Variants in ERBB4 observed in about 807,000 individuals in gnomAD.
ERBB4 encodes erb-b2 receptor tyrosine kinase 4, also known as receptor tyrosine-protein kinase erbB-4.
A neutral mutation model predicts 158.0 loss-of-function variants in ERBB4; 42 were observed. The ratio of observed to expected loss-of-function variants is 0.27; its 90% CI spans 0.21 to 0.34. The LOEUF is 0.34. Among genes scored for constraint, ERBB4 ranks in the 10% least tolerant of loss-of-function variants. The pLI is 1.00. For synonymous variants in ERBB4, 583 were observed against 558.7 expected (o/e 1.04, Z -0.61); for missense variants, 1,333 against 1,624.1 (o/e 0.82, Z 3.08).
intron 20 of ERBB4, among the ~76,000 whole-genome samples, chr2:211,501,385 A>G (rs1431908433): frequency 2.0e-5 from 3 of 151,882 alleles, no homozygotes; most frequent in African/African-American, 7.2e-5. Context: ...TAAATGTTTG[A>G]GATTATGGAT....
At chr2:211,488,543 C>T (rs1212388394) in intron 20 of ERBB4, among the ~76,000 whole-genome samples, 1 of 151,894 alleles carries the variant, frequency 6.6e-6, no homozygotes, top group African/African-American at 2.4e-5. Context: ...CTCTCATATG[C>T]CTTAGAAGGC....
chr2:211,755,973 A>G (rs1002281786), intron 4 of ERBB4, among the ~76,000 whole-genome samples: 8 of 152,334 alleles, frequency 5.3e-5, no homozygotes, highest in African/African-American at 1.7e-4. Context: ...GGCAGGTTTG[A>G]CCTCTTAAAA....
At chr2:212,060,524 G>A (rs1293667267) in intron 2 of ERBB4, among the ~76,000 whole-genome samples, 2 of 148,458 alleles carry the variant, frequency 1.3e-5, no homozygotes, top group South Asian at 2.2e-4. Context: ...TGTTTATTGC[G>A]GCACTATTCA....
intron 18 of ERBB4, among the ~76,000 whole-genome samples, chr2:211,620,152 G>A (rs1009744666): frequency 6.6e-6 from 1 of 152,038 alleles, no homozygotes; most frequent in East Asian, 1.9e-4. Context: ...GGTTGTACAA[G>A]AATACATTTT....
intron 2 of ERBB4, among the ~76,000 whole-genome samples, chr2:211,949,787 C>T (rs1429369502): frequency 2.6e-5 from 4 of 152,120 alleles, no homozygotes; most frequent in Non-Finnish European, 5.9e-5. Context: ...TCAGTTGAGG[C>T]CAACCCTGAT....
intron 3 of ERBB4, among the ~76,000 whole-genome samples, chr2:211,914,219 T>C (rs1262853043): frequency 6.6e-6 from 1 of 151,600 alleles, no homozygotes; most frequent in Non-Finnish European, 1.5e-5. Context: ...TTGAATGTGG[T>C]ACAAGCTTTC....
At position 211,578,924 on chromosome 2, in the gene ERBB4, T is replaced by C. The variant is rs533760875; in HGVS notation, c.2302-16836A>G. The stretch of plus-strand genomic sequence containing the variant: ...GATTTCATGAAATCACCGAAAGCAA[T>C]TGCAACAAAAGCAAAGATTGACAAA... On this transcript the variant is annotated intron_variant, in intron 19 of 27. Transcript: ENST00000342788. Among the ~76,000 whole-genome samples the C allele has an allele frequency of 2.6e-5, 4 of 152,220 alleles. No homozygotes were observed. The South Asian group carries it at 8.3e-4, about 32-fold the overall frequency.
Position 211,382,150 on chromosome 2 carries a change from A to ATGTT in ERBB4, c.*1461_*1464dup, listed in dbSNP as rs1461412859. The ATGTT allele has an allele frequency of 2.2e-5, 5 of 231,196 alleles. No homozygotes were observed. Among genetic ancestry groups the ATGTT allele is most frequent in the South Asian group, 3.6e-4 (2 of 5,508 alleles). 14.3% of individuals were successfully genotyped at this position (231,196 alleles called of 1,614,324 possible). On this transcript the variant is annotated 3_prime_UTR_variant, in exon 28 of 28. Transcript: ENST00000342788. ...CCAAGGACCTATCCCTAAGCTTTGA[A>ATGTT]TGTTTGTGTTTTTCTTTTTATTATA...
At chr2:212,392,152 C>T (rs1464552940) in intron 1 of ERBB4, among the ~76,000 whole-genome samples, 1 of 151,764 alleles carries the variant, frequency 6.6e-6, no homozygotes, top group Non-Finnish European at 1.5e-5. Flanking sequence ...GGAAAGGCAT[C>T]TCTGTTTCTC....
intron 1 of ERBB4, among the ~76,000 whole-genome samples, chr2:212,386,883 C>A (rs529028016): frequency 6.6e-6 from 1 of 152,156 alleles, no homozygotes. Flanking sequence ...TATCTTCTTA[C>A]TGTTCCAATG....
chr2:211,692,490 A>G (rs957891544), intron 12 of ERBB4, among the ~76,000 whole-genome samples: 1 of 152,178 alleles, frequency 6.6e-6, no homozygotes, highest in Non-Finnish European at 1.5e-5. Context: ...CAGAAGTCCA[A>G]AATGACTCTT....
chr2:211,924,463 T>A (rs1403891680), intron 3 of ERBB4, among the ~76,000 whole-genome samples: 1 of 151,906 alleles, frequency 6.6e-6, no homozygotes, highest in African/African-American at 2.4e-5. Context: ...ACCCTATACA[T>A]CTATAAAAAT....
chr2:211,437,067 G>T (rs1010149810), intron 20 of ERBB4, among the ~76,000 whole-genome samples: 2 of 152,128 alleles, frequency 1.3e-5, no homozygotes, highest in Non-Finnish European at 2.9e-5. Context: ...GTTTTTGAAA[G>T]AAGTATTTTA....
chr2:212,280,972 G>A (rs1482535354), intron 1 of ERBB4, among the ~76,000 whole-genome samples: 2 of 151,688 alleles, frequency 1.3e-5, no homozygotes, highest in African/African-American at 2.4e-5. Context: ...TCTATACTCC[G>A]TCTTTTGACA....
chr2:211,933,519 T>C (rs1199745499), intron 3 of ERBB4, among the ~76,000 whole-genome samples: 3 of 152,078 alleles, frequency 2.0e-5, no homozygotes, highest in Non-Finnish European at 2.9e-5. Flanking sequence ...ACATGAATTA[T>C]GGCATCTATA....
Position 211,449,967 on chromosome 2 carries a change from A to G in ERBB4, c.2488-18867T>C, listed in dbSNP as rs2064204469. ...ATCTAGCGCTTGCTAAATGATAAACACTGTCCTAAGCAGTTTACACAACCC... is the reference window on the plus strand; with the variant it reads ...ATCTAGCGCTTGCTAAATGATAAACGCTGTCCTAAGCAGTTTACACAACCC... On this transcript the variant is annotated intron_variant, in intron 20 of 27. Coordinates refer to ENST00000342788, the MANE Select transcript of ERBB4 (RefSeq NM_005235.3). Among the ~76,000 whole-genome samples, 4 of 152,296 alleles carry G rather than the reference A, an allele frequency of 2.6e-5. No homozygotes were observed. In the South Asian group the frequency reaches 8.3e-4, roughly 32 times the overall value.
intron 1 of ERBB4, among the ~76,000 whole-genome samples, chr2:212,238,340 AC>A (rs2083955146): frequency 6.6e-6 from 1 of 151,938 alleles, no homozygotes; most frequent in South Asian, 2.1e-4. Context: ...GAGTTCCCTG[AC>A]CCCATACACT....
intron 4 of ERBB4, among the ~76,000 whole-genome samples, chr2:211,769,312 CA>C (rs1228037115): frequency 6.6e-6 from 1 of 152,164 alleles, no homozygotes; most frequent in African/African-American, 2.4e-5. Flanking sequence ...TGGGAAGTTG[CA>C]AACTTTCCCA....
chr2:212,300,182 A>C (rs1857795), intron 1 of ERBB4, among the ~76,000 whole-genome samples: 128,476 of 151,348 alleles, frequency 0.85, 54,980 homozygotes, highest in Non-Finnish European at 0.9. Context: ...TGGTTCACTG[A>C]ACCATTGTTG....
Sources: gnomAD v4.1 joint callset for allele counts (sites outside exome capture counted in the v4.1 genomes callset) on GRCh38, gnomAD v4.1.1 for gene constraint, MANE v1.5 for transcripts, NCBI Gene and HGNC (gene_info 2026-07-23, HGNC 2026-07-21) for gene names.